AHI1: variants seen among roughly 807,000 people sequenced by gnomAD.
AHI1 encodes Abelson helper integration site 1.
Under a neutral mutation model 149.3 loss-of-function variants are expected in AHI1, and 123 were observed. The observed-to-expected ratio is 0.82, with a 90% CI of 0.71 to 0.96. The LOEUF (loss-of-function observed/expected upper bound fraction) is 0.96, where lower values mean the gene tolerates loss of function less well. AHI1 is among the 40% of genes least tolerant of loss of function. AHI1 has a pLI of 0.00. For missense variants in AHI1, 1,439 were observed against 1,422.7 expected (o/e 1.01, Z -0.18); for synonymous variants, 475 against 459.8 (o/e 1.03, Z -0.42).
intron 24 of AHI1, among the ~76,000 whole-genome samples, chr6:135,342,507 A>T (rs1409860096): frequency 6.6e-6 from 1 of 151,908 alleles, no homozygotes; most frequent in Non-Finnish European, 1.5e-5. Flanking sequence ...ATATACCAAT[A>T]AACAGAATCA....
Position 135,448,322 on chromosome 6 carries a change from C to T in AHI1, c.1594G>A (p.Val532Ile), listed in dbSNP as rs761804458. The part of the protein sequence containing the change: ...PRNHYPSTLY[V>I]TVRGLKVPDC... Reference sequence around the variant, plus strand: ...GGAACTTTCAGTCCTCTTACAGTTACGTACAGTGTTGATGGGTAATGATTT... The same window carrying T: ...GGAACTTTCAGTCCTCTTACAGTTATGTACAGTGTTGATGGGTAATGATTT... The change falls in exon 12 of 29, where the codon GTA becomes ATA. Residue 532 changes from valine to isoleucine, a missense_variant. Physicochemically the swap from Val to Ile is conservative, Grantham distance 29. Coordinates refer to ENST00000265602, the MANE Select transcript of AHI1 (RefSeq NM_001134831.2). The T allele has an allele frequency of 7.2e-5, 116 of 1,604,960 alleles. No homozygotes were observed. Among genetic ancestry groups the T allele is most frequent in the South Asian group, 1.2e-4 (11 of 89,056 alleles).
At chr6:135,387,909 T>C in intron 23 of AHI1, 1 of 1,596,426 alleles carries the variant, frequency 6.3e-7, no homozygotes, top group Non-Finnish European at 8.5e-7. Context: ...GAAAGTGAAC[T>C]ACCTAACAAA....
intron 25 of AHI1, among the ~76,000 whole-genome samples, chr6:135,322,192 C>T (rs1786956640): frequency 6.6e-6 from 1 of 152,176 alleles, no homozygotes; most frequent in African/African-American, 2.4e-5. Context: ...CTTCATTTTA[C>T]AGAAGGTAAC....
At chr6:135,360,620 T>A (rs1434022396) in intron 23 of AHI1, among the ~76,000 whole-genome samples, 2 of 152,226 alleles carry the variant, frequency 1.3e-5, no homozygotes, top group Non-Finnish European at 2.9e-5. Flanking sequence ...GAACCCTGAC[T>A]AGTAATATAC....
chr6:135,450,430 T>C (rs922008930), intron 11 of AHI1, among the ~76,000 whole-genome samples: 2 of 152,192 alleles, frequency 1.3e-5, no homozygotes, highest in African/African-American at 4.8e-5. Context: ...AGCCCATCTT[T>C]TCCCCTACCC....
chr6:135,352,487 A>C (rs1358140304), intron 24 of AHI1, among the ~76,000 whole-genome samples: 1 of 152,116 alleles, frequency 6.6e-6, no homozygotes, highest in African/African-American at 2.4e-5. Context: ...TGCCGACTCT[A>C]AACAGCCTTC....
At chr6:135,297,386 A>C in intron 27 of AHI1, 1 of 455,072 alleles carries the variant, frequency 2.2e-6, no homozygotes, top group East Asian at 7.0e-5. Flanking sequence ...TTCCCACATC[A>C]CATCCAAATG....
chr6:135,477,240 CTG>C (rs2128115449), intron 5 of AHI1, among the ~76,000 whole-genome samples: 1 of 152,116 alleles, frequency 6.6e-6, no homozygotes, highest in African/African-American at 2.4e-5. Context: ...CGGGGTTTCA[CTG>C]TGTTAGCCAG....
rs1251237359 is a variant in AHI1, at chr6:135,453,451, A to G, written c.1345-15T>C. Reference sequence around the variant, plus strand: ...AAATCAAGAATCTGCAAATAAATTCACAGAAGACTAAGCTACCTAAAATTT... The same window carrying G: ...AAATCAAGAATCTGCAAATAAATTCGCAGAAGACTAAGCTACCTAAAATTT... On this transcript the variant is annotated splice_polypyrimidine_tract_variant and intron_variant, in intron 10 of 28. Coordinates refer to ENST00000265602, the MANE Select transcript of AHI1 (RefSeq NM_001134831.2). The G allele has an allele frequency of 6.6e-7, 1 of 1,505,220 alleles. No homozygotes were observed. The highest frequency in any genetic ancestry group is 2.5e-5 in the East Asian group (1 of 40,738). 93.2% of individuals were successfully genotyped at this position (1,505,220 alleles called of 1,614,324 possible).
intron 23 of AHI1, among the ~76,000 whole-genome samples, chr6:135,392,730 A>G (rs1191893048): frequency 1.3e-5 from 2 of 152,184 alleles, no homozygotes; most frequent in Non-Finnish European, 2.9e-5. Context: ...GAATCACAGA[A>G]TTTTTAAAGC....
At chr6:135,466,496 G>C in intron 6 of AHI1, 123 bp from the exon 7 acceptor site, 1 of 890,392 alleles carries the variant, frequency 1.1e-6, no homozygotes, top group Non-Finnish European at 1.7e-6. Context: ...TTTTTCATCT[G>C]GACATAGTGA....
At chr6:135,492,989 A>AC (rs1194282885) in intron 3 of AHI1, 5 of 970,914 alleles carry the variant, frequency 5.1e-6, no homozygotes, top group Non-Finnish European at 6.1e-6. Context: ...AGTGTTAAAA[A>AC]AAAAGCTGGT....
At chr6:135,469,082 C>T (rs1396426728) in intron 5 of AHI1, among the ~76,000 whole-genome samples, 1 of 152,132 alleles carries the variant, frequency 6.6e-6, no homozygotes, top group East Asian at 1.9e-4. Context: ...GGCCAATATC[C>T]CTGACGAACA....
chr6:135,461,909 T>C (rs1789952702), intron 8 of AHI1, among the ~76,000 whole-genome samples: 1 of 151,950 alleles, frequency 6.6e-6, no homozygotes, highest in Non-Finnish European at 1.5e-5. Context: ...GATGTCCAGG[T>C]AGTGGTTACT....
chr6:135,478,024 C>T (rs1327230660), intron 5 of AHI1, among the ~76,000 whole-genome samples: 1 of 152,022 alleles, frequency 6.6e-6, no homozygotes, highest in East Asian at 1.9e-4. Flanking sequence ...TAGTCTCAAA[C>T]ACCTGACCTC....
intron 24 of AHI1, among the ~76,000 whole-genome samples, chr6:135,330,845 GATC>G (rs1428629242): frequency 6.6e-6 from 1 of 152,168 alleles, no homozygotes; most frequent in African/African-American, 2.4e-5. Flanking sequence ...ACTGTCTTCT[GATC>G]ATCATATTGT....
chr6:135,298,074 T>C (rs1306894271), intron 27 of AHI1, among the ~76,000 whole-genome samples: 1 of 152,138 alleles, frequency 6.6e-6, no homozygotes, highest in Non-Finnish European at 1.5e-5. Context: ...TAGTTAACTA[T>C]GGAACATTAA....
chr6:135,383,837 AT>A (rs1777213769), intron 23 of AHI1, among the ~76,000 whole-genome samples: 1 of 152,232 alleles, frequency 6.6e-6, no homozygotes, highest in African/African-American at 2.4e-5. Context: ...CTATAAAAAA[AT>A]AAAGTTATGC....
chr6:135,371,795 T>C (rs994491167), intron 23 of AHI1, among the ~76,000 whole-genome samples: 1 of 152,152 alleles, frequency 6.6e-6, no homozygotes, highest in Non-Finnish European at 1.5e-5. Context: ...TCAGTGCCAA[T>C]ATGTCAAGGC....
Sources: allele counts gnomAD v4.1 joint callset (sites outside exome capture counted in the v4.1 genomes callset), GRCh38; gene constraint gnomAD v4.1.1; transcripts MANE v1.5; gene names NCBI Gene and HGNC (gene_info 2026-07-23, HGNC 2026-07-21).